The following TENM1 variants were observed in gnomAD, a reference collection of about 807,000 sequenced individuals.
TENM1 encodes the protein teneurin-1.
In TENM1, 35 loss-of-function variants were observed where a neutral mutation model predicts 174.8. The ratio of observed to expected loss-of-function variants is 0.20; its 90% confidence interval spans 0.15 to 0.27. The LOEUF is 0.27. TENM1 is among the 10% of genes least tolerant of loss of function. TENM1 has a pLI of 1.00. For synonymous variants in TENM1, 781 were observed against 798.7 expected (o/e 0.98, Z 0.37); for missense variants, 1,633 against 2,130.1 (o/e 0.77, Z 4.59).
chrX:124,583,819 A>G (rs1340467649), intron 11 of TENM1, among the ~76,000 whole-genome samples: 1 of 94,877 alleles, frequency 1.1e-5, no homozygotes, highest in Non-Finnish European at 2.1e-5. Context: ...AACTAGAATA[A>G]CCAATACAGA....
chrX:124,583,851 G>A (rs1477338728), intron 11 of TENM1, among the ~76,000 whole-genome samples: 3 of 105 alleles, frequency 0.029, no homozygotes, highest in Non-Finnish European at 0.049. Context: ...AGGAGCTGAT[G>A]GAGCTGAAAC....
the TENM1 span, among the ~76,000 whole-genome samples, chrX:125,020,308 G>A: frequency 1.8e-5 from 2 of 111,165 alleles, no homozygotes; most frequent in African/African-American, 6.5e-5. Context: ...ATTCCCAGTG[G>A]CTTCAAAAGT....
At chrX:124,569,030 T>C (rs2048999019) in intron 11 of TENM1, among the ~76,000 whole-genome samples, 4 of 111,213 alleles carry the variant, frequency 3.6e-5, no homozygotes, top group African/African-American at 9.8e-5. Context: ...ATAGTGAGAC[T>C]CCATCTCTAC....
chrX:124,462,429 TGTG>T (rs1263743616), intron 22 of TENM1, among the ~76,000 whole-genome samples: 1 of 28,823 alleles, frequency 3.5e-5, no homozygotes, highest in African/African-American at 1.8e-4. Flanking sequence ...TGTGTGTGTG[TGTG>T]GGGGGGGTGG....
At chrX:124,809,573 C>CA (rs1211553176) in intron 3 of TENM1, among the ~76,000 whole-genome samples, 1 of 111,285 alleles carries the variant, frequency 9.0e-6, no homozygotes, top group Non-Finnish European at 1.9e-5. Context: ...GAATAAAGGA[C>CA]AAAAACATAT....
chrX:125,201,375 CA>C, the TENM1 span, among the ~76,000 whole-genome samples: 190 of 112,364 alleles, frequency 1.7e-3, no homozygotes, highest in African/African-American at 5.5e-3. Flanking sequence ...AAATCTTAAT[CA>C]CCTTTACAGC....
chrX:124,437,799 C>T (rs990478157), intron 23 of TENM1, among the ~76,000 whole-genome samples: 6 of 112,021 alleles, frequency 5.4e-5, no homozygotes, highest in Admixed American at 4.7e-4. Context: ...AAATGAACCC[C>T]TGCTCTTTGT....
chrX:124,660,431 G>A (rs2051570317), intron 6 of TENM1, among the ~76,000 whole-genome samples: 1 of 110,751 alleles, frequency 9.0e-6, no homozygotes. Flanking sequence ...TCAAGAAAGT[G>A]GAAAAACAGC....
intron 3 of TENM1, among the ~76,000 whole-genome samples, chrX:124,794,595 C>T (rs1420358011): frequency 9.0e-6 from 1 of 111,038 alleles, no homozygotes; most frequent in East Asian, 2.8e-4. Context: ...TTCCTGGTTT[C>T]CCCACTTCCA....
the TENM1 span, among the ~76,000 whole-genome samples, chrX:124,991,478 G>A: frequency 9.1e-6 from 1 of 109,298 alleles, no homozygotes; most frequent in Non-Finnish European, 1.9e-5. Flanking sequence ...GTCGGGGAGT[G>A]GGGGAGAGAG....
chrX:124,436,288 T>C (rs973943958), intron 23 of TENM1, among the ~76,000 whole-genome samples: 5 of 110,993 alleles, frequency 4.5e-5, no homozygotes, highest in Non-Finnish European at 9.4e-5. Context: ...GTCCTGACGA[T>C]ACAGAAAATA....
At chrX:124,810,576 T>C (rs926194426) in intron 3 of TENM1, among the ~76,000 whole-genome samples, 8 of 112,033 alleles carry the variant, frequency 7.1e-5, no homozygotes, top group African/African-American at 2.6e-4. Context: ...AGATAGCCTG[T>C]GTCCATGGAT....
intron 28 of TENM1, among the ~76,000 whole-genome samples, chrX:124,391,336 T>C (rs909095660): frequency 8.9e-6 from 1 of 112,089 alleles, no homozygotes; most frequent in African/African-American, 3.2e-5. Context: ...CAAGAGGCAC[T>C]ATCTTAGGAG....
the TENM1 span, among the ~76,000 whole-genome samples, chrX:125,191,074 A>G: frequency 9.9e-5 from 11 of 111,326 alleles, no homozygotes; most frequent in African/African-American, 3.6e-4. Flanking sequence ...CTTGTTGAAC[A>G]TTTGGGTTCC....
chrX:125,072,751 C>G, the TENM1 span, among the ~76,000 whole-genome samples: 1 of 111,407 alleles, frequency 9.0e-6, no homozygotes, highest in Non-Finnish European at 1.9e-5. Context: ...CAAGGCAGCA[C>G]TGGTAAACCT....
At chrX:124,895,959 A>T in intron 2 of TENM1, 22 bp downstream of exon 5, 2 of 1,206,979 alleles carry the variant, frequency 1.7e-6, no homozygotes, top group Non-Finnish European at 2.2e-6. Context: ...GTTTTACTTA[A>T]ACAATTCAAG....
At chrX:125,150,436 TGTGAGACAGCTGGCCTGGGTTA>T in the TENM1 span, among the ~76,000 whole-genome samples, 6 of 111,934 alleles carry the variant, frequency 5.4e-5, no homozygotes, top group Non-Finnish European at 1.1e-4. Context: ...TGGCCTCTGT[TGTGAGACAGCTGGCCTGGGTTA>T]GAAGGCACAA....
the TENM1 span, among the ~76,000 whole-genome samples, chrX:125,198,114 C>A: frequency 8.9e-6 from 1 of 112,004 alleles, no homozygotes; most frequent in Non-Finnish European, 1.9e-5. Context: ...TCATTGTTGA[C>A]TACTTATTAA....
intron 1 of TENM1, among the ~76,000 whole-genome samples, chrX:124,951,217 A>G (rs981385146): frequency 8.9e-6 from 1 of 112,016 alleles, no homozygotes; most frequent in Non-Finnish European, 1.9e-5. Context: ...CTACATTTCC[A>G]TTCACCCCAG....
Sources: allele counts gnomAD v4.1 joint callset (sites outside exome capture counted in the v4.1 genomes callset), GRCh38; gene constraint gnomAD v4.1.1; transcripts MANE v1.5; gene names NCBI Gene and HGNC (gene_info 2026-07-23, HGNC 2026-07-21).